C1orf87: variants seen among roughly 807,000 people sequenced by gnomAD.
C1orf87 encodes the protein chromosome 1 open reading frame 87, also known as uncharacterized protein C1orf87.
C1orf87 carries 58 observed loss-of-function variants against 60.5 expected under a neutral mutation model. That is an observed-to-expected ratio of 0.96 (90% CI 0.78 to 1.19). The LOEUF (loss-of-function observed/expected upper bound fraction) is 1.19, where lower values mean the gene tolerates loss of function less well. C1orf87 is among the 50% of genes most tolerant of loss of function. C1orf87 has a pLI of 0.00. For missense variants in C1orf87, 673 were observed against 638.6 expected (o/e 1.05, Z -0.58); for synonymous variants, 236 against 227.4 (o/e 1.04, Z -0.34).
intron 10 of C1orf87, among the ~76,000 whole-genome samples, chr1:60,000,548 T>C (rs1644994671): frequency 6.6e-6 from 1 of 152,112 alleles, no homozygotes; most frequent in Non-Finnish European, 1.5e-5. Flanking sequence ...TGTTTTTAAA[T>C]TCTGTCTACA....
At chr1:59,996,471 C>T (rs12070478) in intron 11 of C1orf87, among the ~76,000 whole-genome samples, 2,941 of 152,242 alleles carry the variant, frequency 0.019, 100 homozygotes, top group African/African-American at 0.069. Flanking sequence ...AGAAACTCTC[C>T]GTGCTCTCAT....
Position 60,066,382 on chromosome 1 carries a change from A to T in C1orf87, c.107+6155T>A, listed in dbSNP as rs540544520. ...TTCTAAATCCTTTGTTGTCAATTCA[A>T]CAATGTTCACAGCATCTTCACCAGG... is the stretch of plus-strand genomic sequence containing the variant. On this transcript the variant is annotated intron_variant, in intron 2 of 11. Transcript: ENST00000371201. Among the ~76,000 whole-genome samples the T allele has an allele frequency of 7.9e-5, 12 of 152,306 alleles. 1 individual carries two copies. In the East Asian group the frequency reaches 2.3e-3, roughly 29 times the overall value.
intron 9 of C1orf87, chr1:60,008,789 C>G (rs1645063690): frequency 4.6e-6 from 2 of 430,422 alleles, no homozygotes; most frequent in Non-Finnish European, 9.3e-6. Flanking sequence ...GTAAGAGATC[C>G]AAGTGCAGCC....
rs373558803 is a variant in C1orf87, at chr1:60,025,970, A to C, written c.1030-472T>G. ...AAGACCTGGAGGGATTATTTCCTTA[A>C]TGTCACATAGCTAATAAGTTATGGA... On this transcript the variant is annotated intron_variant, in intron 7 of 11. Transcript: ENST00000371201. Among the ~76,000 whole-genome samples the C allele has an allele frequency of 2.0e-5, 3 of 152,202 alleles. No individual in the cohort carries two copies. The East Asian group carries it at 5.8e-4, about 29-fold the overall frequency.
intron 3 of C1orf87, among the ~76,000 whole-genome samples, chr1:60,042,358 T>C (rs1333891901): frequency 6.6e-6 from 1 of 152,070 alleles, no homozygotes; most frequent in Non-Finnish European, 1.5e-5. Flanking sequence ...CCTCAGCCTC[T>C]GGACACATCG....
In C1orf87 at chr1:60,033,711, T is replaced by C. The variant is rs566446045; in HGVS notation, c.864-70A>G. 2.7e-5 allele frequency: 41 copies of C among 1,516,214 alleles called. No homozygotes were observed. The South Asian group carries it at 4.3e-4, about 16-fold the overall frequency. The allele number at this position is 1,516,214 out of a possible 1,614,324, so 93.9% of individuals were successfully genotyped here. A position where few individuals can be genotyped will look rare whatever the true frequency, so the allele number is the denominator to read the frequency against. ...CCAAGGCAGCTGCATGCTTTCCTAC[T>C]ACATTTCTCAACTTTGCTACACACT... On this transcript the variant is annotated intron_variant, in intron 6 of 11. Coordinates refer to ENST00000371201, the MANE Select transcript of C1orf87 (RefSeq NM_152377.3).
chr1:60,049,370 T>A (rs889880548), intron 3 of C1orf87, among the ~76,000 whole-genome samples: 2 of 152,124 alleles, frequency 1.3e-5, no homozygotes, highest in Non-Finnish European at 2.9e-5. Context: ...CCACATCTTT[T>A]GATATATTTA....
rs575950022 is a variant in C1orf87, at chr1:59,995,393, C to T, written c.1480+2216G>A. 5.9e-5 allele frequency among the ~76,000 whole-genome samples: 9 copies of T among 152,312 alleles called. No homozygotes were observed. The East Asian group carries it at 1.7e-3, about 29-fold the overall frequency. ...TCCATCTCAGCTTTCATTATGCCTT[C>T]CTCCGCATGTACATTTGGATACTGG... On this transcript the variant is annotated intron_variant, in intron 11 of 11. Transcript: ENST00000371201.
At chr1:60,060,293 G>A (rs987009430) in intron 2 of C1orf87, among the ~76,000 whole-genome samples, 1 of 152,058 alleles carries the variant, frequency 6.6e-6, no homozygotes, top group African/African-American at 2.4e-5. Flanking sequence ...TTCATGTTGT[G>A]TGACTTTGGG....
At chr1:59,995,052 T>C (rs957933661) in intron 11 of C1orf87, among the ~76,000 whole-genome samples, 23 of 152,142 alleles carry the variant, frequency 1.5e-4, no homozygotes, top group Admixed American at 8.5e-4. Flanking sequence ...GCATAAATAG[T>C]GAAGAGGCCA....
Position 60,040,155 on chromosome 1 carries a change from G to T in C1orf87, c.509C>A (p.Thr170Lys). Residue 170 changes from threonine (T) to lysine (K), a missense_variant, in exon 5 of 12, where the codon ACA (threonine) becomes AAA (lysine). Thr to Lys is a moderately conservative substitution (Grantham distance 78). Coordinates refer to ENST00000371201, the MANE Select transcript of C1orf87 (RefSeq NM_152377.3). ...AAGAAGAAAAGCGTCTTCATTTGTT[G>T]TCCCACTTGGGCTCTGGCCAATATC... ...PEDIGQSPSG[T>K]TNEDAFLLAL... The T allele has an allele frequency of 6.2e-7, 1 of 1,613,772 alleles. No individual in the cohort carries two copies.
intron 2 of C1orf87, among the ~76,000 whole-genome samples, chr1:60,061,284 C>A (rs1186689607): frequency 1.3e-5 from 2 of 152,150 alleles, no homozygotes; most frequent in African/African-American, 4.8e-5. Context: ...ATCATTTAAT[C>A]TCTTTATACA....
At position 59,990,548 on chromosome 1, in the gene C1orf87, A is replaced by G. The variant is rs933243744; in HGVS notation, c.*125T>C. ...AACTAAGTCCAAATCAAAAGCATCT[A>G]CAATAGCTGCATCGGCCTCCACTCT... is the stretch of plus-strand genomic sequence containing the variant. On this transcript the variant is annotated 3_prime_UTR_variant, in exon 12 of 12. Coordinates refer to ENST00000371201, the MANE Select transcript of C1orf87 (RefSeq NM_152377.3). 45 of 1,175,764 alleles carry G rather than the reference A, an allele frequency of 3.8e-5. No homozygotes were observed. The highest frequency in any genetic ancestry group is 5.1e-5 in the Non-Finnish European group (42 of 830,674). 72.8% of individuals were successfully genotyped at this position (1,175,764 alleles called of 1,614,324 possible). A position where few individuals can be genotyped will look rare whatever the true frequency, so the allele number is the denominator to read the frequency against.
intron 3 of C1orf87, among the ~76,000 whole-genome samples, chr1:60,041,776 C>A (rs1375464085): frequency 1.3e-5 from 2 of 152,194 alleles, no homozygotes; most frequent in African/African-American, 4.8e-5. Context: ...TGGCAAACAA[C>A]TGGCCTGCTA....
intron 3 of C1orf87, among the ~76,000 whole-genome samples, chr1:60,042,031 C>A (rs1004848583): frequency 1.3e-5 from 2 of 152,154 alleles, no homozygotes; most frequent in African/African-American, 4.8e-5. Context: ...CTGTGGCTTG[C>A]GCTTTTCTCT....
At position 60,017,343 on chromosome 1, in the gene C1orf87, C is replaced by A. The variant is rs114043817; in HGVS notation, c.1128-6887G>T. On this transcript the variant is annotated intron_variant, in intron 8 of 11. Transcript: ENST00000371201. ...AGACACCTCAGGTTTCCTTCATCTTCTAAAATCCTCTGGTTGTTCCTGGGA... is the reference window on the plus strand; with the variant it reads ...AGACACCTCAGGTTTCCTTCATCTTATAAAATCCTCTGGTTGTTCCTGGGA... Among the ~76,000 whole-genome samples the A allele has an allele frequency of 3.3e-3, 499 of 152,300 alleles. 4 individuals carry two copies. Among genetic ancestry groups the A allele is most frequent in the African/African-American group, 0.011 (473 of 41,552 alleles).
At chr1:60,028,330 A>G (rs1346506551) in intron 7 of C1orf87, among the ~76,000 whole-genome samples, 3 of 152,216 alleles carry the variant, frequency 2.0e-5, no homozygotes, top group Admixed American at 6.5e-5. Context: ...GAAATAGTAC[A>G]TCAGGGTTCC....
chr1:59,992,277 A>G (rs1644929898), intron 11 of C1orf87, among the ~76,000 whole-genome samples: 1 of 150,388 alleles, frequency 6.6e-6, no homozygotes, highest in Admixed American at 6.6e-5. Flanking sequence ...TTATTTTGAG[A>G]CAGGGTCTTA....
chr1:60,010,592 A>G, intron 8 of C1orf87, 136 bp from the exon 9 acceptor site: 1 of 712,308 alleles, frequency 1.4e-6, no homozygotes, highest in East Asian at 2.7e-5. Context: ...CCAATGCAGG[A>G]AACAGAAACT....
Sources: allele counts gnomAD v4.1 joint callset (sites outside exome capture counted in the v4.1 genomes callset), GRCh38; gene constraint gnomAD v4.1.1; transcripts MANE v1.5; gene names NCBI Gene and HGNC (gene_info 2026-07-23, HGNC 2026-07-21).